KIF13A: variants seen among roughly 807,000 people sequenced by gnomAD.
The protein encoded by KIF13A is kinesin-like protein KIF13A.
In KIF13A, 79 loss-of-function variants were observed where a neutral mutation model predicts 212.2. The observed-to-expected ratio is 0.37, with a 90% confidence interval of 0.31 to 0.45. The LOEUF (loss-of-function observed/expected upper bound fraction) is 0.45, where lower values mean the gene tolerates loss of function less well. KIF13A is among the 20% of genes least tolerant of loss of function. The pLI, the probability that KIF13A is intolerant of heterozygous loss-of-function variation, is 1.00. For synonymous variants in KIF13A, 789 were observed against 808.6 expected, an observed-to-expected ratio of 0.98 and a Z score of 0.41; for missense variants, 1,901 against 2,209.0, an observed-to-expected ratio of 0.86 and a Z score of 2.79.
Position 17,834,021 on chromosome 6 carries a change from C to CA in KIF13A, c.1205dup (p.Ile403AspfsTer27). On this transcript the variant is annotated frameshift_variant, in exon 12 of 39. Transcript: ENST00000259711. LOFTEE classifies it high-confidence loss of function. This position sits in a 1 kb window ranked among gnomAD's most constrained non-coding sequence, Gnocchi z 4.0. ...CCCAAGTCACTGTTAGTTCTTTTAT[C>CA]AGCTTTTCAGACTCTTCGAGCTTCT... The CA allele has an allele frequency of 6.2e-7, 1 of 1,604,824 alleles. No homozygotes were observed. The highest frequency in any genetic ancestry group is 8.5e-7 in the Non-Finnish European group (1 of 1,178,116).
intron 2 of KIF13A, among the ~76,000 whole-genome samples, chr6:17,905,087 T>G (rs1449853476): frequency 6.6e-6 from 1 of 152,226 alleles, no homozygotes; most frequent in African/African-American, 2.4e-5. Flanking sequence ...CAACACAAAT[T>G]TGCAAACTTT....
intron 18 of KIF13A, among the ~76,000 whole-genome samples, chr6:17,807,688 T>TGCTAGACTG (rs1485838540): frequency 6.6e-6 from 1 of 152,176 alleles, no homozygotes; most frequent in Admixed American, 6.5e-5. Flanking sequence ...ATGTGATCTT[T>TGCTAGACTG]GTACCTACTC....
In KIF13A at chr6:17,829,973, T is replaced by C. The variant is rs1387357431; in HGVS notation, c.1401+1128A>G. On this transcript the variant is annotated intron_variant, in intron 13 of 38. Transcript: ENST00000259711. This position sits in a 1 kb window ranked among gnomAD's most constrained non-coding sequence, Gnocchi z 5.4. ...GAGATTCAGGTGTGTGGACAGCATA[T>C]GTAAGCTGCCTTCAAGGCCCCAGGT... Among the ~76,000 whole-genome samples, 3 of 152,126 alleles carry C rather than the reference T, an allele frequency of 2.0e-5. No homozygotes were observed. The highest frequency in any genetic ancestry group is 7.2e-5 in the African/African-American group (3 of 41,442).
chr6:17,974,537 T>C (rs1444573357), intron 2 of KIF13A, among the ~76,000 whole-genome samples: 2 of 152,190 alleles, frequency 1.3e-5, no homozygotes, highest in African/African-American at 2.4e-5. Flanking sequence ...TCATATGTAC[T>C]TTGCCCTGTT....
At chr6:17,928,736 T>C (rs1775709384) in intron 2 of KIF13A, among the ~76,000 whole-genome samples, 1 of 152,092 alleles carries the variant, frequency 6.6e-6, no homozygotes, top group Non-Finnish European at 1.5e-5. Flanking sequence ...ATGTGTTAAA[T>C]GTCATCAGAA....
At chr6:17,792,098 G>T (rs1378041670) in intron 25 of KIF13A, among the ~76,000 whole-genome samples, 1 of 148,908 alleles carries the variant, frequency 6.7e-6, no homozygotes, top group Non-Finnish European at 1.5e-5. Context: ...AGCTACTCTG[G>T]AGACTGAGGC....
rs1775467107 is a variant in KIF13A, at chr6:17,926,001, GCT to G, written c.147-27823_147-27822del. Among the ~76,000 whole-genome samples the G allele has an allele frequency of 6.6e-6, 1 of 152,124 alleles. No individual in the cohort carries two copies. Among genetic ancestry groups the G allele is most frequent in the African/African-American group, 2.4e-5 (1 of 41,424 alleles). On this transcript the variant is annotated intron_variant, in intron 2 of 38. Coordinates refer to ENST00000259711, the MANE Select transcript of KIF13A (RefSeq NM_022113.6). This position sits in a 1 kb window ranked among gnomAD's most constrained non-coding sequence, Gnocchi z 4.3. ...CTAACCCAACTCTTAAAGAGAATCT[GCT>G]GTGCCCACAGCACCAGAAGAGGCAG...
intron 2 of KIF13A, among the ~76,000 whole-genome samples, chr6:17,962,395 G>C (rs1376901225): frequency 6.6e-6 from 1 of 152,146 alleles, no homozygotes; most frequent in Non-Finnish European, 1.5e-5. Context: ...TGCTGCAAAG[G>C]CTGAGGAGAA....
rs1349323983 is a variant in KIF13A, at chr6:17,776,714, T to C, written c.4170+563A>G. ...TCAGCTGCTTCTGGGAAGTGGCTGCTTAGAAGTGCTCCATGCACTAATCTG... is the reference window on the plus strand; with the variant it reads ...TCAGCTGCTTCTGGGAAGTGGCTGCCTAGAAGTGCTCCATGCACTAATCTG... On this transcript the variant is annotated intron_variant, in intron 34 of 38. Coordinates refer to ENST00000259711, the MANE Select transcript of KIF13A (RefSeq NM_022113.6). The surrounding 1 kb of genome is among the most constrained non-coding windows in gnomAD (Gnocchi z 4.6). 6.6e-6 allele frequency among the ~76,000 whole-genome samples: 1 copy of C among 152,222 alleles called. No homozygotes were observed. The highest frequency in any genetic ancestry group is 1.9e-4 in the East Asian group (1 of 5,188).
Position 17,785,763 on chromosome 6 carries a change from A to AAC in KIF13A, c.3362-123_3362-122insGT, listed in dbSNP as rs1219834898. On this transcript the variant is annotated intron_variant, in intron 27 of 38. Coordinates refer to ENST00000259711, the MANE Select transcript of KIF13A (RefSeq NM_022113.6). The surrounding 1 kb of genome is among the most constrained non-coding windows in gnomAD (Gnocchi z 5.8). The stretch of plus-strand genomic sequence containing the variant: ...CCCCATCTCTACCAAAAAAAAAAAA[A>AAC]TAGTTGGGCAGGGTGGTGGTACGCA... The AAC allele has an allele frequency of 5.9e-6, 6 of 1,020,434 alleles. No homozygotes were observed. 63.2% of individuals were successfully genotyped at this position (1,020,434 alleles called of 1,614,324 possible).
downstream of KIF13A, chr6:17,759,556 C>T (rs1325788626): frequency 6.6e-6 from 1 of 152,162 alleles, no homozygotes; most frequent in Non-Finnish European, 1.5e-5. Flanking sequence ...TACATCCAGA[C>T]CGATTATACA....
chr6:17,932,984 A>G lies in KIF13A; in HGVS notation c.147-34804T>C, dbSNP rs201586184. On this transcript the variant is annotated intron_variant, in intron 2 of 38. Transcript: ENST00000259711. The stretch of plus-strand genomic sequence containing the variant: ...GCTTTTCATTTGCTCAAGGTCACCC[A>G]AAAAGCTTAATTAGAAAAAAAAATT... 3.9e-5 allele frequency among the ~76,000 whole-genome samples: 6 copies of G among 152,340 alleles called. No individual in the cohort carries two copies. The East Asian group carries it at 1.2e-3, about 29-fold the overall frequency.
chr6:17,943,598 A>C (rs1777135497), intron 2 of KIF13A, among the ~76,000 whole-genome samples: 1 of 152,004 alleles, frequency 6.6e-6, no homozygotes, highest in South Asian at 2.1e-4. Flanking sequence ...GTGCATTTTT[A>C]ACAGGTTTCA....
downstream of KIF13A, chr6:17,760,676 C>T (rs1758543323): frequency 1.1e-5 from 7 of 611,156 alleles, no homozygotes; most frequent in East Asian, 2.0e-4. Context: ...CAAAGTGCCG[C>T]TTCTCCCACT....
Position 17,855,585 on chromosome 6 carries a change from C to T in KIF13A, c.346G>A (p.Ala116Thr), listed in dbSNP as rs551855128. The change falls in exon 6 of 39, where the codon GCT (alanine) becomes ACT (threonine). Residue 116 changes from alanine to threonine, a missense_variant. Transcript: ENST00000259711. This position sits in a 1 kb window ranked among gnomAD's most constrained non-coding sequence, Gnocchi z 4.1. Reference sequence around the variant, plus strand: ...CTTGGAATAAGGCCCAGCTGCTCAGCATGGCCCATCATGGAAAAGGATTTT... The same window carrying T: ...CTTGGAATAAGGCCCAGCTGCTCAGTATGGCCCATCATGGAAAAGGATTTT... The part of the protein sequence containing the change: ...SGKSFSMMGH[A>T]EQLGLIPRLC... 2 of 1,603,202 alleles carry T rather than the reference C, an allele frequency of 1.2e-6. No homozygotes were observed. Among genetic ancestry groups the T allele is most frequent in the African/African-American group, 1.3e-5 (1 of 74,218 alleles).
rs200616640 is a variant in KIF13A at position 17,770,361 on chromosome 6, A to ATTTTTTTTTTTTTTTTTTTT, written c.4581+733_4581+752dup. 4.7e-4 allele frequency: 56 copies of ATTTTTTTTTTTTTTTTTTTT among 119,434 alleles called. 1 individual carries two copies. The highest frequency in any genetic ancestry group is 7.5e-4 in the Non-Finnish European group (43 of 57,526). The allele number at this position is 119,434 out of a possible 1,614,324, so 7.4% of individuals were successfully genotyped here. On this transcript the variant is annotated intron_variant, in intron 38 of 38. Coordinates refer to ENST00000259711, the MANE Select transcript of KIF13A (RefSeq NM_022113.6). ...CTTTCCAGGCTTGAGAATAAACAGG[A>ATTTTTTTTTTTTTTTTTTTT]TTTTTTTTTTTTTTTTTTTTTTTGT...
At chr6:17,795,528 G>C (rs1761957630) in intron 23 of KIF13A, among the ~76,000 whole-genome samples, 1 of 151,180 alleles carries the variant, frequency 6.6e-6, no homozygotes, top group Non-Finnish European at 1.5e-5. Context: ...CCAGGAGGTG[G>C]AGGTTGCAGT....
rs564496663 is a variant in KIF13A, at chr6:17,789,259, T to C, written c.3261+613A>G. Among the ~76,000 whole-genome samples, 3 of 152,330 alleles carry C rather than the reference T, an allele frequency of 2.0e-5. No homozygotes were observed. The East Asian group carries it at 5.8e-4, about 29-fold the overall frequency. ...TTCTAGATTCCCAACCAGAAAAAGCTGAGATTTAAATTCTATAGGTTATGG... is the reference window on the plus strand; with the variant it reads ...TTCTAGATTCCCAACCAGAAAAAGCCGAGATTTAAATTCTATAGGTTATGG... On this transcript the variant is annotated intron_variant, in intron 26 of 38. Coordinates refer to ENST00000259711, the MANE Select transcript of KIF13A (RefSeq NM_022113.6). This position sits in a 1 kb window ranked among gnomAD's most constrained non-coding sequence, Gnocchi z 4.8.
intron 2 of KIF13A, among the ~76,000 whole-genome samples, chr6:17,936,857 A>G (rs1038691329): frequency 2.0e-5 from 3 of 152,224 alleles, no homozygotes; most frequent in Non-Finnish European, 4.4e-5. Flanking sequence ...AAAAATGAGT[A>G]GCAACAACCA....
Sources: gnomAD v4.1 joint callset for allele counts (sites outside exome capture counted in the v4.1 genomes callset) on GRCh38, gnomAD v4.1.1 for gene constraint, Gnocchi (gnomAD v3.1) non-coding constraint, MANE v1.5 for transcripts, NCBI Gene and HGNC (gene_info 2026-07-23, HGNC 2026-07-21) for gene names.